Variants in SNX29 observed in about 807,000 individuals in gnomAD.
SNX29 encodes the protein sorting nexin 29.
In SNX29, 78 loss-of-function variants were observed where a neutral mutation model predicts 102.1. That is an observed-to-expected ratio of 0.76 (90% CI 0.64 to 0.92). SNX29 has a LOEUF of 0.92. Among genes scored for constraint, SNX29 ranks in the 40% least tolerant of loss-of-function variants. The pLI is 0.00. For missense variants in SNX29, 1,280 were observed against 1,061.7 expected, an observed-to-expected ratio of 1.21 and a Z score of -2.86; for synonymous variants, 580 against 414.5, an observed-to-expected ratio of 1.40 and a Z score of -4.85.
chr16:12,014,892 G>A (rs965829825), intron 3 of SNX29, among the ~76,000 whole-genome samples: 4 of 151,900 alleles, frequency 2.6e-5, no homozygotes, highest in African/African-American at 9.7e-5. Flanking sequence ...CACACTTATG[G>A]TACCTTGAAA....
chr16:12,438,195 A>G (rs1176789399), intron 18 of SNX29, among the ~76,000 whole-genome samples: 2 of 152,176 alleles, frequency 1.3e-5, no homozygotes, highest in African/African-American at 4.8e-5. Flanking sequence ...TACTTGATGC[A>G]TCAGGTGACT....
At chr16:12,551,437 C>G (rs988334522) in intron 20 of SNX29, among the ~76,000 whole-genome samples, 1 of 152,184 alleles carries the variant, frequency 6.6e-6, no homozygotes, top group African/African-American at 2.4e-5. Flanking sequence ...CATTCGATCA[C>G]CCAGCATGCT....
chr16:12,110,011 G>A (rs1012223869), intron 11 of SNX29, among the ~76,000 whole-genome samples: 4 of 152,158 alleles, frequency 2.6e-5, no homozygotes, highest in Non-Finnish European at 1.5e-5. Flanking sequence ...TTATAAGTGT[G>A]AGCCACCGTG....
Position 12,356,224 on chromosome 16 carries a change from C to T in SNX29, c.1844C>T (p.Ala615Val). The T allele has an allele frequency of 6.2e-7, 1 of 1,613,258 alleles. No homozygotes were observed. The highest frequency in any genetic ancestry group is 8.5e-7 in the Non-Finnish European group (1 of 1,179,682). The change falls in exon 16 of 21, where the codon GCC becomes GTC. Residue 615 changes from alanine to valine, a missense_variant. Transcript: ENST00000566228. ...GAGCGCCTGCACAGGGCCCTGGTAG[C>T]CAAGGAAGCCCTCGTGTCCCAGATG... Reference protein sequence around the residue: ...FNERLHRALVAKEALVSQMRQ... With the variant: ...FNERLHRALVVKEALVSQMRQ...
At chr16:12,107,957 G>A (rs893122749) in intron 11 of SNX29, among the ~76,000 whole-genome samples, 6 of 151,792 alleles carry the variant, frequency 4.0e-5, no homozygotes, top group Non-Finnish European at 7.4e-5. Flanking sequence ...TTTTTTTAAG[G>A]CCAAAGATTG....
intron 18 of SNX29, among the ~76,000 whole-genome samples, chr16:12,420,849 C>T (rs916585203): frequency 1.3e-5 from 2 of 152,142 alleles, no homozygotes; most frequent in Admixed American, 6.5e-5. Context: ...CCATGTCCGC[C>T]CTGGGGGAAG....
intron 20 of SNX29, among the ~76,000 whole-genome samples, chr16:12,544,648 C>CTGTT (rs1197532541): frequency 2.6e-5 from 4 of 152,226 alleles, no homozygotes; most frequent in East Asian, 1.9e-4. Flanking sequence ...TCATGTCAGA[C>CTGTT]TGTTTACTTC....
chr16:12,276,329 C>A (rs1364416836), intron 14 of SNX29, among the ~76,000 whole-genome samples: 1 of 152,176 alleles, frequency 6.6e-6, no homozygotes, highest in South Asian at 2.1e-4. Flanking sequence ...GGGTCACTCC[C>A]TGCATTCGTG....
chr16:12,227,252 G>A (rs1263530327), intron 14 of SNX29, among the ~76,000 whole-genome samples: 2 of 152,142 alleles, frequency 1.3e-5, no homozygotes, highest in Non-Finnish European at 2.9e-5. Flanking sequence ...TGACCGTGTG[G>A]TTAGGAACAG....
chr16:12,239,534 A>C (rs2078035702), intron 14 of SNX29, among the ~76,000 whole-genome samples: 1 of 151,814 alleles, frequency 6.6e-6, no homozygotes, highest in Admixed American at 6.6e-5. Flanking sequence ...CTACAATTAA[A>C]AAATATTTTT....
At chr16:12,370,031 G>T (rs2082625479) in intron 16 of SNX29, among the ~76,000 whole-genome samples, 1 of 152,202 alleles carries the variant, frequency 6.6e-6, no homozygotes, top group Admixed American at 6.5e-5. Context: ...GACCAGCCTG[G>T]CCAACGTGGT....
chr16:12,535,399 G>T lies in SNX29; in HGVS notation c.2318+10558G>T, dbSNP rs148821630. Among the ~76,000 whole-genome samples, 1,218 of 152,340 alleles carry T rather than the reference G, an allele frequency of 8.0e-3. 8 individuals are homozygous for T. The highest frequency in any genetic ancestry group is 0.013 in the Non-Finnish European group (889 of 68,026). Reference sequence around the variant, plus strand: ...GATTCACCCATCTCGGCCTCCCAAAGTGCTGGGATTACATGAGCCACTGCG... The same window carrying T: ...GATTCACCCATCTCGGCCTCCCAAATTGCTGGGATTACATGAGCCACTGCG... On this transcript the variant is annotated intron_variant, in intron 20 of 20. Transcript: ENST00000566228.
intron 19 of SNX29, among the ~76,000 whole-genome samples, chr16:12,504,109 A>G (rs905902787): frequency 2.0e-5 from 3 of 151,450 alleles, no homozygotes; most frequent in Non-Finnish European, 2.9e-5. Context: ...TTCTGCATCT[A>G]AGGATCTCCC....
rs75989349 is a variant in SNX29, at chr16:12,517,768, C to T, written c.2179-6934C>T. On this transcript the variant is annotated intron_variant, in intron 19 of 20. Transcript: ENST00000566228. ...GGAATGAGACTATCCCAGGAAGCAA[C>T]GAGTGCTTTGAAGAAAGGAGAATGA... is the stretch of plus-strand genomic sequence containing the variant. Among the ~76,000 whole-genome samples the T allele has an allele frequency of 3.7e-3, 567 of 152,010 alleles. 3 individuals are homozygous for T. Among genetic ancestry groups the T allele is most frequent in the African/African-American group, 0.013 (530 of 41,442 alleles).
At chr16:12,017,590 C>T (rs528772922) in intron 3 of SNX29, among the ~76,000 whole-genome samples, 46 of 152,188 alleles carry the variant, frequency 3.0e-4, no homozygotes, top group African/African-American at 1.1e-3. Flanking sequence ...TTTTGGTTTT[C>T]GAGTACTGCA....
chr16:12,099,570 C>G (rs1204311057), intron 11 of SNX29, among the ~76,000 whole-genome samples: 3 of 152,132 alleles, frequency 2.0e-5, no homozygotes, highest in African/African-American at 7.2e-5. Context: ...CTCTTGGGTC[C>G]CCCACAGCGT....
At chr16:12,427,949 C>T (rs1358896882) in intron 18 of SNX29, among the ~76,000 whole-genome samples, 2 of 152,154 alleles carry the variant, frequency 1.3e-5, no homozygotes, top group Non-Finnish European at 2.9e-5. Context: ...AGCACAGCTC[C>T]CTGCAGCAGC....
At chr16:12,200,945 G>A (rs1259184357) in intron 14 of SNX29, among the ~76,000 whole-genome samples, 1 of 152,154 alleles carries the variant, frequency 6.6e-6, no homozygotes, top group Non-Finnish European at 1.5e-5. Context: ...TTTCTAGTAT[G>A]GTACCTGGCA....
At chr16:11,993,164 CATAA>C (rs34364875) in intron 1 of SNX29, among the ~76,000 whole-genome samples, 2,269 of 146,496 alleles carry the variant, frequency 0.015, 39 homozygotes, top group African/African-American at 0.051. Context: ...GACTCTGTCT[CATAA>C]ATAAATAAAT....
Sources: gnomAD v4.1 joint callset for allele counts (sites outside exome capture counted in the v4.1 genomes callset) on GRCh38, gnomAD v4.1.1 for gene constraint, MANE v1.5 for transcripts, NCBI Gene and HGNC (gene_info 2026-07-23, HGNC 2026-07-21) for gene names.